Variants in FBXW8 observed in about 807,000 individuals in gnomAD.
The protein encoded by FBXW8 is F-box and WD repeat domain containing 8, also known as F-box/WD repeat-containing protein 8.
A neutral mutation model predicts 65.3 loss-of-function variants in FBXW8; 57 were observed. The observed-to-expected ratio is 0.87, with a 90% CI of 0.71 to 1.09. The LOEUF is 1.09. FBXW8 is among the 50% of genes least tolerant of loss of function. FBXW8 has a pLI of 0.00. For missense variants in FBXW8, 777 were observed against 814.8 expected (o/e 0.95, Z 0.57); for synonymous variants, 308 against 330.2 (o/e 0.93, Z 0.73).
chr12:116,924,995 A>G (rs1021395445), intron 1 of FBXW8, among the ~76,000 whole-genome samples: 4 of 152,062 alleles, frequency 2.6e-5, no homozygotes. Context: ...TACCTAGACT[A>G]ATGTCTCTGG....
intron 1 of FBXW8, among the ~76,000 whole-genome samples, chr12:116,916,256 A>G (rs1364569603): frequency 6.6e-6 from 1 of 152,192 alleles, no homozygotes; most frequent in Admixed American, 6.5e-5. Context: ...AGGTATGCAT[A>G]GATTAGCCTT....
At chr12:116,929,351 C>T (rs1196049699) in intron 2 of FBXW8, among the ~76,000 whole-genome samples, 2 of 152,150 alleles carry the variant, frequency 1.3e-5, no homozygotes, top group African/African-American at 4.8e-5. Context: ...TCTCTTGCCT[C>T]AGCCACCCGC....
intron 1 of FBXW8, among the ~76,000 whole-genome samples, chr12:116,916,780 C>T (rs1203478614): frequency 2.0e-5 from 3 of 152,114 alleles, no homozygotes; most frequent in Non-Finnish European, 4.4e-5. Flanking sequence ...ATTTAGCTCA[C>T]CATTTTGCAG....
chr12:116,993,315 G>A (rs1033015654), intron 7 of FBXW8, among the ~76,000 whole-genome samples: 3 of 151,998 alleles, frequency 2.0e-5, no homozygotes, highest in Admixed American at 2.0e-4. Flanking sequence ...TGTTGGCCAG[G>A]CTGGTCTCGA....
At chr12:116,912,062 G>C (rs12313248) in intron 1 of FBXW8, among the ~76,000 whole-genome samples, 10,796 of 151,976 alleles carry the variant, frequency 0.071, 995 homozygotes, top group African/African-American at 0.22. Context: ...ATGCATCCGT[G>C]GCTCCCAGGT....
chr12:116,998,044 C>A (rs1385120156), intron 7 of FBXW8, among the ~76,000 whole-genome samples: 1 of 152,126 alleles, frequency 6.6e-6, no homozygotes. Flanking sequence ...GTCTTGAACT[C>A]CTGACTTCAG....
At chr12:117,003,387 TC>T (rs1407670058) in intron 7 of FBXW8, among the ~76,000 whole-genome samples, 1 of 152,240 alleles carries the variant, frequency 6.6e-6, no homozygotes, top group Non-Finnish European at 1.5e-5. Flanking sequence ...TCTGGCATCT[TC>T]CATGGTTATG....
intron 9 of FBXW8, among the ~76,000 whole-genome samples, chr12:117,026,774 T>C (rs559993617): frequency 6.6e-6 from 1 of 152,246 alleles, no homozygotes; most frequent in Non-Finnish European, 1.5e-5. Flanking sequence ...TCCACCTGGA[T>C]GAGACATCTT....
chr12:116,924,501 C>T (rs1881172162), intron 1 of FBXW8, among the ~76,000 whole-genome samples: 1 of 152,140 alleles, frequency 6.6e-6, no homozygotes, highest in Non-Finnish European at 1.5e-5. Context: ...ACCTGTAGTG[C>T]CACAGAGAAC....
At position 116,987,864 on chromosome 12, in the gene FBXW8, G is replaced by A. The variant is rs142820898; in HGVS notation, c.1033-799G>A. ...CCCTCCTTGAAGGCAGCCATTGTTA[G>A]AAGATGTATGGATGTGCGAGTCAAG... On this transcript the variant is annotated intron_variant, in intron 6 of 10. Transcript: ENST00000652555. Among the ~76,000 whole-genome samples the A allele has an allele frequency of 2.4e-4, 37 of 152,294 alleles. No individual in the cohort carries two copies. The East Asian group carries it at 7.2e-3, about 29-fold the overall frequency.
At position 116,928,116 on chromosome 12, in the gene FBXW8, A is replaced by G. The variant is rs756239272; in HGVS notation, c.412A>G (p.Arg138Gly). The change falls in exon 2 of 11, where the codon AGA becomes GGA. Residue 138 changes from arginine (R) to glycine (G), a missense_variant. Physicochemically the swap from Arg to Gly is moderately radical, Grantham distance 125 (BLOSUM62 -2). Transcript: ENST00000652555. The stretch of plus-strand genomic sequence containing the variant: ...GTATCTGGACAGGAAAGAACTAGGA[A>G]GATGTGCACAGGTAAGGTGTCACCA... ...FQYLDRKELG[R>G]CAQVSKTWKV... 4.6e-5 allele frequency: 74 copies of G among 1,604,186 alleles called. No individual in the cohort carries two copies. The highest frequency in any genetic ancestry group is 4.9e-5 in the Non-Finnish European group (58 of 1,172,628).
chr12:116,935,531 C>T (rs1019171517), intron 2 of FBXW8, among the ~76,000 whole-genome samples: 7 of 152,186 alleles, frequency 4.6e-5, no homozygotes, highest in African/African-American at 1.7e-4. Context: ...TGGAAGGTTC[C>T]TTGTATGCTC....
At chr12:116,996,019 G>A (rs761014589) in intron 7 of FBXW8, among the ~76,000 whole-genome samples, 10 of 152,150 alleles carry the variant, frequency 6.6e-5, no homozygotes, top group Non-Finnish European at 1.2e-4. Context: ...TTAGAAGACC[G>A]AATTGCCTTG....
intron 1 of FBXW8, among the ~76,000 whole-genome samples, chr12:116,919,132 A>AAACCGCGG (rs529586863): frequency 7.2e-4 from 109 of 152,294 alleles, no homozygotes; most frequent in African/African-American, 2.5e-3. Context: ...ATGGAAAGCA[A>AAACCGCGG]AACCGCGGAT....
chr12:116,961,300 G>A lies in FBXW8; in HGVS notation c.678-3397G>A, dbSNP rs1883972270. Among the ~76,000 whole-genome samples the A allele has an allele frequency of 6.6e-6, 1 of 152,130 alleles. No individual in the cohort carries two copies. ...AGGCATGAGCCACCGTGCCCGGCCTGTATCTGCACTTTTTAAAGCATTCCA... is the reference window on the plus strand; with the variant it reads ...AGGCATGAGCCACCGTGCCCGGCCTATATCTGCACTTTTTAAAGCATTCCA... On this transcript the variant is annotated intron_variant, in intron 4 of 10. Coordinates refer to ENST00000652555, the MANE Select transcript of FBXW8 (RefSeq NM_153348.3). The surrounding 1 kb of genome is among the most constrained non-coding windows in gnomAD (Gnocchi z 4.4).
At chr12:116,925,051 C>T (rs970056431) in intron 1 of FBXW8, among the ~76,000 whole-genome samples, 1 of 151,206 alleles carries the variant, frequency 6.6e-6, no homozygotes, top group Admixed American at 6.6e-5. Flanking sequence ...ACAGGACTAT[C>T]GTGGGTCATG....
chr12:116,994,614 A>G (rs1460549927), intron 7 of FBXW8, among the ~76,000 whole-genome samples: 1 of 152,244 alleles, frequency 6.6e-6, no homozygotes, highest in Non-Finnish European at 1.5e-5. Flanking sequence ...TTAAACAATG[A>G]GAATAGTAAA....
rs200835846 is a variant in FBXW8 at position 116,933,024 on chromosome 12, A to AAG, written c.423+4898_423+4899insGA. ...TATTTAAAGGCTAAAATTCACTTAA[A>AAG]AAAAATGTGCTGAAGTGTAAACTGT... is the stretch of plus-strand genomic sequence containing the variant. On this transcript the variant is annotated intron_variant, in intron 2 of 10. Coordinates refer to ENST00000652555, the MANE Select transcript of FBXW8 (RefSeq NM_153348.3). Among the ~76,000 whole-genome samples the AAG allele has an allele frequency of 1.7e-3, 253 of 152,052 alleles. 1 individual carries two copies. The highest frequency in any genetic ancestry group is 3.2e-3 in the Non-Finnish European group (215 of 67,932).
At chr12:117,023,040 T>C (rs1954138385) in intron 8 of FBXW8, among the ~76,000 whole-genome samples, 1 of 152,240 alleles carries the variant, frequency 6.6e-6, no homozygotes, top group African/African-American at 2.4e-5. Flanking sequence ...GTAGTTCACT[T>C]TGAGTCCTTT....
Sources: gnomAD v4.1 joint callset for allele counts (sites outside exome capture counted in the v4.1 genomes callset) on GRCh38, gnomAD v4.1.1 for gene constraint, Gnocchi (gnomAD v3.1) non-coding constraint, MANE v1.5 for transcripts, NCBI Gene and HGNC (gene_info 2026-07-23, HGNC 2026-07-21) for gene names.